Variants in ROBO2 observed in about 807,000 individuals in gnomAD.
ROBO2 encodes the protein roundabout homolog 2.
In ROBO2, 53 loss-of-function variants were observed where a neutral mutation model predicts 160.8. The ratio of observed to expected loss-of-function variants is 0.33; its 90% CI spans 0.26 to 0.41. ROBO2 has a LOEUF of 0.41. ROBO2 is among the 10% of genes least tolerant of loss of function. The pLI, the probability that ROBO2 is intolerant of heterozygous loss-of-function variation, is 1.00. For missense variants in ROBO2, 1,577 were observed against 1,722.4 expected, an observed-to-expected ratio of 0.92 and a Z score of 1.49; for synonymous variants, 664 against 611.7, an observed-to-expected ratio of 1.09 and a Z score of -1.26.
chr3:76,213,745 G>C (rs1396291589), intron 2 of ROBO2, among the ~76,000 whole-genome samples: 1 of 152,126 alleles, frequency 6.6e-6, no homozygotes, highest in Non-Finnish European at 1.5e-5. Flanking sequence ...CTTTGAATTT[G>C]AATGTCAAGT....
intron 19 of ROBO2, among the ~76,000 whole-genome samples, chr3:77,599,121 G>A (rs1197383097): frequency 6.6e-6 from 1 of 152,102 alleles, no homozygotes; most frequent in East Asian, 1.9e-4. Flanking sequence ...CAACGTTTTT[G>A]TAGAGTTGAC....
At chr3:77,618,871 G>T (rs972844879) in intron 22 of ROBO2, among the ~76,000 whole-genome samples, 1 of 152,230 alleles carries the variant, frequency 6.6e-6, no homozygotes, top group South Asian at 2.1e-4. Flanking sequence ...TCATCAATCT[G>T]CTTTTAATAA....
chr3:76,082,683 G>A (rs564987120), intron 2 of ROBO2, among the ~76,000 whole-genome samples: 5 of 151,896 alleles, frequency 3.3e-5, no homozygotes, highest in Non-Finnish European at 2.9e-5. Context: ...AATAACAGTC[G>A]CTGCTACTCT....
chr3:76,839,038 A>C (rs554686775), intron 2 of ROBO2, among the ~76,000 whole-genome samples: 10 of 152,176 alleles, frequency 6.6e-5, no homozygotes, highest in Non-Finnish European at 1.3e-4. Flanking sequence ...CCACTGATGC[A>C]ATCTAGATGT....
At chr3:77,143,359 TA>T (rs2076872789) in intron 2 of ROBO2, among the ~76,000 whole-genome samples, 1 of 151,660 alleles carries the variant, frequency 6.6e-6, no homozygotes, top group East Asian at 1.9e-4. Context: ...CACACCCGGC[TA>T]ATTTTTTCTA....
rs145153585 is a variant in ROBO2 at position 76,515,279 on chromosome 3, A to G, written c.109+577677A>G. ...TTTCTACTGCTCAGCAATCTTTAAAATTAAACAAAGCATTCAGGTGAAAGG... is the reference window on the plus strand; with the variant it reads ...TTTCTACTGCTCAGCAATCTTTAAAGTTAAACAAAGCATTCAGGTGAAAGG... On this transcript the variant is annotated intron_variant, in intron 2 of 26. Transcript: ENST00000487694. 1.4e-3 allele frequency among the ~76,000 whole-genome samples: 208 copies of G among 152,296 alleles called. 5 individuals carry two copies. The East Asian group carries it at 0.034, about 25-fold the overall frequency.
rs376078577 is a variant in ROBO2, at chr3:76,891,871, A to G, written c.110-206143A>G. Among the ~76,000 whole-genome samples, 47 of 152,318 alleles carry G rather than the reference A, an allele frequency of 3.1e-4. No homozygotes were observed. In the South Asian group the frequency reaches 9.7e-3, roughly 32 times the overall value. ...TTTTGTAACATTTAGAGAAGAAAGTAACTACCTTGGAGAATTTTGGTGTAA... is the reference window on the plus strand; with the variant it reads ...TTTTGTAACATTTAGAGAAGAAAGTGACTACCTTGGAGAATTTTGGTGTAA... On this transcript the variant is annotated intron_variant, in intron 2 of 26. Transcript: ENST00000487694.
intron 1 of ROBO2, among the ~76,000 whole-genome samples, chr3:77,088,831 T>C (rs1392068584): frequency 3.3e-5 from 5 of 152,186 alleles, no homozygotes; most frequent in African/African-American, 1.2e-4. Context: ...AATCTATACA[T>C]TTATCAAAAG....
chr3:76,263,722 T>C (rs1490638462), intron 2 of ROBO2, among the ~76,000 whole-genome samples: 2 of 152,186 alleles, frequency 1.3e-5, no homozygotes, highest in African/African-American at 4.8e-5. Flanking sequence ...TTAGTGGGTA[T>C]ATACCCAAAG....
chr3:76,854,023 T>C (rs1366462276), intron 2 of ROBO2, among the ~76,000 whole-genome samples: 10 of 8,698 alleles, frequency 1.1e-3, no homozygotes, highest in Non-Finnish European at 1.4e-3. Flanking sequence ...AGACTTTCTC[T>C]CTCTCTCTCT....
intron 2 of ROBO2, among the ~76,000 whole-genome samples, chr3:76,904,973 A>G (rs923438460): frequency 2.0e-5 from 3 of 152,128 alleles, no homozygotes; most frequent in African/African-American, 7.2e-5. Context: ...AGTAATGAAA[A>G]GTGATTAAGT....
At chr3:75,954,052 C>A (rs1410479896) in intron 2 of ROBO2, among the ~76,000 whole-genome samples, 1 of 151,688 alleles carries the variant, frequency 6.6e-6, no homozygotes, top group Non-Finnish European at 1.5e-5. Flanking sequence ...ATAATAAATA[C>A]AATTATCTCC....
intron 2 of ROBO2, among the ~76,000 whole-genome samples, chr3:77,400,772 G>T (rs1037067240): frequency 1.3e-5 from 2 of 152,102 alleles, no homozygotes; most frequent in Non-Finnish European, 1.5e-5. Context: ...CATGAGGTAG[G>T]TATTAAGATC....
intron 16 of ROBO2, among the ~76,000 whole-genome samples, chr3:77,583,151 C>A (rs775744): frequency 0.63 from 76,778 of 121,542 alleles, 22,880 homozygotes; most frequent in Middle Eastern, 0.73. Flanking sequence ...CTCTGTCTCT[C>A]CAAAAAAAAA....
intron 2 of ROBO2, among the ~76,000 whole-genome samples, chr3:76,616,490 T>C (rs947564874): frequency 1.3e-5 from 2 of 152,184 alleles, no homozygotes; most frequent in African/African-American, 4.8e-5. Flanking sequence ...TGATGTGTTA[T>C]TAGCATTTTT....
intron 2 of ROBO2, among the ~76,000 whole-genome samples, chr3:76,532,301 T>C (rs1007851728): frequency 9.2e-5 from 14 of 152,212 alleles, no homozygotes; most frequent in Non-Finnish European, 7.3e-5. Context: ...ACCTTTCCAG[T>C]TGAGTTATGA....
At chr3:76,201,472 A>C (rs1702523613) in intron 2 of ROBO2, among the ~76,000 whole-genome samples, 1 of 152,122 alleles carries the variant, frequency 6.6e-6, no homozygotes, top group Admixed American at 6.6e-5. Context: ...CTCCATACAA[A>C]CTATCCCTGA....
chr3:75,979,895 T>A (rs1235261280), intron 2 of ROBO2, among the ~76,000 whole-genome samples: 2 of 151,646 alleles, frequency 1.3e-5, no homozygotes, highest in African/African-American at 2.4e-5. Context: ...TTGCTTAGTT[T>A]ATTTTCTCAC....
chr3:77,391,298 C>T (rs910638317), intron 2 of ROBO2, among the ~76,000 whole-genome samples: 6 of 151,916 alleles, frequency 3.9e-5, no homozygotes, highest in African/African-American at 1.4e-4. Flanking sequence ...AACATCAAAA[C>T]AAAAAGCTTT....
Sources: allele counts gnomAD v4.1 joint callset (sites outside exome capture counted in the v4.1 genomes callset), GRCh38; gene constraint gnomAD v4.1.1; transcripts MANE v1.5; gene names NCBI Gene and HGNC (gene_info 2026-07-23, HGNC 2026-07-21).